The following WWOX variants were observed in gnomAD, a reference collection of about 807,000 sequenced individuals.
The protein encoded by WWOX is WW domain containing oxidoreductase.
Under a neutral mutation model 46.2 loss-of-function variants are expected in WWOX, and 69 were observed. That is an observed-to-expected ratio of 1.49 (90% CI 1.23 to 1.82). WWOX has a LOEUF of 1.82. Ranked by LOEUF, WWOX falls within the 40% of genes most tolerant of loss-of-function variation. The probability of loss-of-function intolerance (pLI) is 0.00; values close to 1 mark genes in which losing one functional copy is unlikely to be tolerated. For missense variants in WWOX, 919 were observed against 542.6 expected (o/e 1.69, Z -6.89); for synonymous variants, 359 against 202.6 (o/e 1.77, Z -6.56).
intron 8 of WWOX, among the ~76,000 whole-genome samples, chr16:79,013,353 C>T (rs1367792373): frequency 1.3e-5 from 2 of 152,226 alleles, no homozygotes; most frequent in Non-Finnish European, 2.9e-5. Context: ...AGGGATGTGT[C>T]TGACCCCAGG....
chr16:78,783,209 C>T (rs931802931), intron 8 of WWOX, among the ~76,000 whole-genome samples: 2 of 152,196 alleles, frequency 1.3e-5, no homozygotes, highest in Non-Finnish European at 2.9e-5. Context: ...GATACATGCA[C>T]CAGACTTGAC....
chr16:78,729,503 G>C (rs1206224307), intron 8 of WWOX, among the ~76,000 whole-genome samples: 1 of 152,100 alleles, frequency 6.6e-6, no homozygotes, highest in African/African-American at 2.4e-5. Context: ...AGACAGAAGA[G>C]GAGGAGTCCA....
intron 8 of WWOX, among the ~76,000 whole-genome samples, chr16:78,622,864 G>GA (rs1196394258): frequency 6.6e-6 from 1 of 152,168 alleles, no homozygotes; most frequent in Non-Finnish European, 1.5e-5. Context: ...TTAGTAAGGG[G>GA]AAAATCCCTT....
At position 79,015,392 on chromosome 16, in the gene WWOX, T is replaced by G. The variant is rs958434762; in HGVS notation, c.1057-196216T>G. Among the ~76,000 whole-genome samples, 4 of 152,212 alleles carry G rather than the reference T, an allele frequency of 2.6e-5. 1 individual carries two copies. The highest frequency in any genetic ancestry group is 2.6e-4 in the Admixed American group (4 of 15,280). ...TGATTTTTCTTGAACTCACTTTTCC[T>G]TTGTTTGCAAAATAGTAACAATATT... On this transcript the variant is annotated intron_variant, in intron 8 of 8. Coordinates refer to ENST00000566780, the MANE Select transcript of WWOX (RefSeq NM_016373.4).
chr16:78,868,482 C>CT (rs35122555), intron 8 of WWOX, among the ~76,000 whole-genome samples: 222 of 22,132 alleles, frequency 0.01, 2 homozygotes, highest in Non-Finnish European at 6.9e-3. Flanking sequence ...AATATACTAA[C>CT]ATCAAACTGT....
intron 8 of WWOX, among the ~76,000 whole-genome samples, chr16:78,926,280 G>A (rs1049685185): frequency 6.6e-6 from 1 of 152,098 alleles, no homozygotes; most frequent in Non-Finnish European, 1.5e-5. Flanking sequence ...GGCTAAAGTG[G>A]GAGGATATCC....
intron 5 of WWOX, among the ~76,000 whole-genome samples, chr16:78,322,533 C>T (rs2080507165): frequency 6.6e-6 from 1 of 152,206 alleles, no homozygotes; most frequent in Non-Finnish European, 1.5e-5. Flanking sequence ...TGGGGATTCA[C>T]AGATGAAGTA....
intron 8 of WWOX, among the ~76,000 whole-genome samples, chr16:79,072,711 C>T (rs1045752245): frequency 2.0e-5 from 3 of 152,194 alleles, no homozygotes; most frequent in African/African-American, 4.8e-5. Flanking sequence ...TCATCAGGGC[C>T]ACAACAGCCT....
At chr16:78,935,527 G>A (rs1041529850) in intron 8 of WWOX, among the ~76,000 whole-genome samples, 4 of 149,916 alleles carry the variant, frequency 2.7e-5, no homozygotes, top group Admixed American at 2.0e-4. Context: ...AACACTGCAT[G>A]TTCTCACTAA....
At chr16:78,299,295 C>T (rs1053509875) in intron 5 of WWOX, among the ~76,000 whole-genome samples, 3 of 152,064 alleles carry the variant, frequency 2.0e-5, no homozygotes, top group Non-Finnish European at 4.4e-5. Context: ...TTCCTCCTGC[C>T]GTGCCTGGCC....
chr16:78,309,192 G>T (rs905284204), intron 5 of WWOX, among the ~76,000 whole-genome samples: 4 of 152,158 alleles, frequency 2.6e-5, no homozygotes, highest in Non-Finnish European at 5.9e-5. Flanking sequence ...GAGACCAGGT[G>T]GATGTAATTG....
intron 8 of WWOX, among the ~76,000 whole-genome samples, chr16:78,511,013 G>T (rs2085348044): frequency 6.6e-6 from 1 of 152,242 alleles, no homozygotes; most frequent in Non-Finnish European, 1.5e-5. Context: ...CAGCAGCAAA[G>T]CCACCTGGCA....
chr16:78,510,917 A>C (rs865803059), intron 8 of WWOX, among the ~76,000 whole-genome samples: 3 of 152,224 alleles, frequency 2.0e-5, no homozygotes, highest in Non-Finnish European at 4.4e-5. Flanking sequence ...AAAGCCACAA[A>C]GATGGTGCTT....
chr16:78,969,266 TCTC>T (rs1369641446), intron 8 of WWOX, among the ~76,000 whole-genome samples: 19 of 131,420 alleles, frequency 1.4e-4, no homozygotes, highest in East Asian at 2.5e-4. Context: ...TCTCTCTCTC[TCTC>T]TTTTTTTTTT....
intron 5 of WWOX, among the ~76,000 whole-genome samples, chr16:78,266,822 C>CTCTCTCTCTCTCTCTCTCTCTCTG (rs1480587353): frequency 6.7e-6 from 1 of 150,040 alleles, no homozygotes; most frequent in African/African-American, 2.5e-5. Context: ...CTCTCTCTCT[C>CTCTCTCTCTCTCTCTCTCTCTCTG]TCTGTCTCCC....
intron 8 of WWOX, among the ~76,000 whole-genome samples, chr16:78,670,593 G>T (rs1400228835): frequency 1.3e-5 from 2 of 152,042 alleles, no homozygotes; most frequent in Non-Finnish European, 2.9e-5. Context: ...TGTACTAGAT[G>T]AATAATGTCC....
At chr16:78,598,766 T>A (rs969023743) in intron 8 of WWOX, among the ~76,000 whole-genome samples, 2 of 152,182 alleles carry the variant, frequency 1.3e-5, no homozygotes, top group Non-Finnish European at 2.9e-5. Flanking sequence ...GGCATTTTTG[T>A]CTGGGGCAGC....
chr16:78,866,118 T>C (rs1964885911), intron 8 of WWOX, among the ~76,000 whole-genome samples: 1 of 152,240 alleles, frequency 6.6e-6, no homozygotes, highest in South Asian at 2.1e-4. Flanking sequence ...AATTGATCTC[T>C]TTCTCTTCCA....
chr16:79,177,495 A>C (rs146956222), intron 8 of WWOX, among the ~76,000 whole-genome samples: 1 of 152,182 alleles, frequency 6.6e-6, no homozygotes, highest in African/African-American at 2.4e-5. Context: ...TTATGGGGTC[A>C]TTACAGATCC....
Sources: gnomAD v4.1 joint callset for allele counts (sites outside exome capture counted in the v4.1 genomes callset) on GRCh38, gnomAD v4.1.1 for gene constraint, MANE v1.5 for transcripts, NCBI Gene and HGNC (gene_info 2026-07-23, HGNC 2026-07-21) for gene names.